The following KSR2 variants were observed in gnomAD, a reference collection of about 807,000 sequenced individuals.
The protein encoded by KSR2 is kinase suppressor of ras 2.
A neutral mutation model predicts 107.8 loss-of-function variants in KSR2; 25 were observed. The observed-to-expected ratio is 0.23, with a 90% confidence interval of 0.17 to 0.32. The LOEUF (loss-of-function observed/expected upper bound fraction) is 0.32. KSR2 is among the 10% of genes least tolerant of loss of function. The pLI, the probability that KSR2 is intolerant of heterozygous loss-of-function variation, is 1.00. For synonymous variants in KSR2, 480 were observed against 507.0 expected, an observed-to-expected ratio of 0.95 and a Z score of 0.71; for missense variants, 887 against 1,268.9, an observed-to-expected ratio of 0.70 and a Z score of 4.57.
chr12:117,883,617 C>A (rs1894090616), intron 1 of KSR2, among the ~76,000 whole-genome samples: 1 of 152,108 alleles, frequency 6.6e-6, no homozygotes, highest in East Asian at 1.9e-4. Context: ...TGTGCAAAGA[C>A]CCTGAGGTGG....
intron 14 of KSR2, among the ~76,000 whole-genome samples, chr12:117,495,921 G>T (rs941878610): frequency 2.6e-5 from 4 of 152,104 alleles, no homozygotes; most frequent in Non-Finnish European, 4.4e-5. Context: ...AGGCGTGGTT[G>T]TGTGCGCCTG....
chr12:117,583,667 T>C (rs762170340), intron 5 of KSR2, among the ~76,000 whole-genome samples: 1 of 152,156 alleles, frequency 6.6e-6, no homozygotes, highest in Non-Finnish European at 1.5e-5. Context: ...CCAAAGACCC[T>C]GTGCACCAGG....
intron 3 of KSR2, among the ~76,000 whole-genome samples, chr12:117,805,863 TC>T (rs1204120206): frequency 3.9e-5 from 6 of 152,106 alleles, no homozygotes; most frequent in Admixed American, 3.9e-4. Context: ...GTGCCTGTAA[TC>T]CCAGCTATTT....
intron 16 of KSR2, among the ~76,000 whole-genome samples, chr12:117,482,205 G>C (rs569661137): frequency 1.4e-4 from 21 of 152,030 alleles, no homozygotes; most frequent in African/African-American, 3.9e-4. Flanking sequence ...AGGGAGATGA[G>C]AGAGACCCCA....
intron 10 of KSR2, among the ~76,000 whole-genome samples, chr12:117,532,564 T>A (rs1875729347): frequency 6.6e-6 from 1 of 152,226 alleles, no homozygotes; most frequent in Non-Finnish European, 1.5e-5. Flanking sequence ...GACATGGACA[T>A]CTTTTGCGAA....
chr12:117,832,850 G>A (rs930385504), intron 3 of KSR2, among the ~76,000 whole-genome samples: 1 of 152,198 alleles, frequency 6.6e-6, no homozygotes, highest in Non-Finnish European at 1.5e-5. Context: ...GGGACAACAG[G>A]TCACTGCAGG....
intron 4 of KSR2, among the ~76,000 whole-genome samples, chr12:117,671,683 G>A (rs1195521026): frequency 6.6e-6 from 1 of 152,224 alleles, no homozygotes; most frequent in Non-Finnish European, 1.5e-5. Context: ...CTAGTTGAAT[G>A]AAATGAAACT....
intron 5 of KSR2, among the ~76,000 whole-genome samples, chr12:117,627,025 CT>C (rs201042072): frequency 8.7e-4 from 126 of 144,408 alleles, no homozygotes; most frequent in East Asian, 1.2e-3. Flanking sequence ...GCAACCCCTG[CT>C]TTTTTTTTTT....
At chr12:117,504,170 T>C (rs1362559247) in intron 14 of KSR2, among the ~76,000 whole-genome samples, 1 of 152,126 alleles carries the variant, frequency 6.6e-6, no homozygotes, top group African/African-American at 2.4e-5. Context: ...AGAAAATAAA[T>C]GTCCAGAGAG....
chr12:117,910,529 T>C (rs893429855), intron 1 of KSR2, among the ~76,000 whole-genome samples: 2 of 152,178 alleles, frequency 1.3e-5, no homozygotes, highest in Admixed American at 6.5e-5. Flanking sequence ...AAAGCATCCC[T>C]GCCCTCAAAG....
rs150487981 is a variant in KSR2, at chr12:117,721,329, C to T, written c.986+39682G>A. Among the ~76,000 whole-genome samples the T allele has an allele frequency of 2.0e-3, 310 of 152,268 alleles. 2 individuals carry two copies. Among genetic ancestry groups the T allele is most frequent in the African/African-American group, 7.1e-3 (296 of 41,546 alleles). ...TAAATGCTTACGATATAATGAACAA[C>T]TATCTATGAATGTAGGTGAGAAAGG... On this transcript the variant is annotated intron_variant, in intron 4 of 19. Coordinates refer to ENST00000339824, the MANE Select transcript of KSR2 (RefSeq NM_173598.6).
chr12:117,778,914 A>C (rs1889786965), intron 3 of KSR2, among the ~76,000 whole-genome samples: 1 of 152,204 alleles, frequency 6.6e-6, no homozygotes, highest in Non-Finnish European at 1.5e-5. Flanking sequence ...AGAAAGCTAA[A>C]AGTAGCATTC....
At chr12:117,533,591 C>G (rs1875817059) in intron 10 of KSR2, among the ~76,000 whole-genome samples, 1 of 152,172 alleles carries the variant, frequency 6.6e-6, no homozygotes. Flanking sequence ...TATTAGATAA[C>G]AGAAGTTTTT....
intron 1 of KSR2, among the ~76,000 whole-genome samples, chr12:117,867,095 C>CT: frequency 6.6e-6 from 1 of 151,974 alleles, no homozygotes; most frequent in Admixed American, 6.5e-5. Context: ...GTGGGAGGAT[C>CT]GCTTGAGCTC....
intron 5 of KSR2, among the ~76,000 whole-genome samples, chr12:117,648,259 A>G (rs1883739710): frequency 6.6e-6 from 1 of 152,188 alleles, no homozygotes; most frequent in Non-Finnish European, 1.5e-5. Context: ...CCTTTCCCAT[A>G]GAGCAATGAC....
At chr12:117,726,446 T>A (rs1887429171) in intron 4 of KSR2, among the ~76,000 whole-genome samples, 1 of 152,194 alleles carries the variant, frequency 6.6e-6, no homozygotes, top group Non-Finnish European at 1.5e-5. Context: ...GCCTCAGCAC[T>A]GTTGATCTTT....
chr12:117,582,504 A>G, intron 5 of KSR2, 145 bp from the exon 6 acceptor site: 1 of 669,598 alleles, frequency 1.5e-6, no homozygotes, highest in Non-Finnish European at 2.7e-6. Flanking sequence ...CAAGTGGAAC[A>G]CTGGTTTAGC....
chr12:117,640,980 C>A (rs1423350587), intron 5 of KSR2, among the ~76,000 whole-genome samples: 3 of 151,800 alleles, frequency 2.0e-5, no homozygotes, highest in East Asian at 1.9e-4. Context: ...GAAGACATGC[C>A]CCTGATAGAC....
At chr12:117,739,707 GAC>G (rs1483265808) in intron 4 of KSR2, among the ~76,000 whole-genome samples, 1 of 152,196 alleles carries the variant, frequency 6.6e-6, no homozygotes, top group Admixed American at 6.5e-5. Flanking sequence ...TGGTGGCAAA[GAC>G]AGTCTAGGGA....
Sources: gnomAD v4.1 joint callset for allele counts (sites outside exome capture counted in the v4.1 genomes callset) on GRCh38, gnomAD v4.1.1 for gene constraint, MANE v1.5 for transcripts, NCBI Gene and HGNC (gene_info 2026-07-23, HGNC 2026-07-21) for gene names.